ARHGAP6: variants seen among roughly 807,000 people sequenced by gnomAD.
The protein encoded by ARHGAP6 is rho GTPase-activating protein 6.
In ARHGAP6, 16 loss-of-function variants were observed where a neutral mutation model predicts 55.7. The ratio of observed to expected loss-of-function variants is 0.29; its 90% CI spans 0.19 to 0.44. ARHGAP6 has a LOEUF of 0.44. Among genes scored for constraint, ARHGAP6 ranks in the 20% least tolerant of loss-of-function variants. The pLI is 1.00. For synonymous variants in ARHGAP6, 382 were observed against 360.9 expected, an observed-to-expected ratio of 1.06 and a Z score of -0.66; for missense variants, 698 against 808.9, an observed-to-expected ratio of 0.86 and a Z score of 1.66.
At chrX:11,140,647 C>T (rs899467633) in intron 12 of ARHGAP6, among the ~76,000 whole-genome samples, 1 of 109,670 alleles carries the variant, frequency 9.1e-6, no homozygotes, top group Non-Finnish European at 1.9e-5. Flanking sequence ...CACACACTCC[C>T]GCCCCTCCTC....
chrX:11,358,657 T>C (rs2048969188), intron 1 of ARHGAP6, among the ~76,000 whole-genome samples: 1 of 110,307 alleles, frequency 9.1e-6, no homozygotes, highest in Admixed American at 9.7e-5. Flanking sequence ...TTTTTTGTAT[T>C]TTTTAGTAGA....
chrX:11,147,372 T>G (rs927962856), intron 10 of ARHGAP6, among the ~76,000 whole-genome samples: 1 of 112,490 alleles, frequency 8.9e-6, no homozygotes, highest in Non-Finnish European at 1.9e-5. Context: ...CCCACTTAGG[T>G]GATACAATTG....
At chrX:11,277,699 CT>C (rs202164456) in intron 1 of ARHGAP6, among the ~76,000 whole-genome samples, 25 of 99,105 alleles carry the variant, frequency 2.5e-4, no homozygotes, top group East Asian at 6.0e-4. Flanking sequence ...TTCTAGTATT[CT>C]TTTTTTTTTT....
chrX:11,298,839 G>A (rs138249749), intron 1 of ARHGAP6: 3 of 1,210,447 alleles, frequency 2.5e-6, no homozygotes, highest in Non-Finnish European at 3.4e-6. Context: ...CCAGCCACCT[G>A]TGCACCCCAT....
At chrX:11,531,671 A>ACAAATG (rs2051051259) in intron 1 of ARHGAP6, among the ~76,000 whole-genome samples, 1 of 111,294 alleles carries the variant, frequency 9.0e-6, no homozygotes, top group Admixed American at 9.6e-5. Flanking sequence ...TTTGTTTGCA[A>ACAAATG]GTTGTTGCTT....
chrX:11,295,678 G>T (rs1238054677), intron 1 of ARHGAP6, among the ~76,000 whole-genome samples: 1 of 111,433 alleles, frequency 9.0e-6, no homozygotes, highest in Non-Finnish European at 1.9e-5. Context: ...CTGAAATCCT[G>T]CATTGCAGCG....
chrX:11,652,168 A>G (rs866654985), intron 1 of ARHGAP6, among the ~76,000 whole-genome samples: 1 of 112,104 alleles, frequency 8.9e-6, no homozygotes, highest in Admixed American at 9.5e-5. Context: ...TTTTGTTGCA[A>G]TTGGTTTTGT....
chrX:11,270,901 T>C (rs1204429587), intron 1 of ARHGAP6, among the ~76,000 whole-genome samples: 7 of 112,177 alleles, frequency 6.2e-5, no homozygotes, highest in Non-Finnish European at 1.3e-4. Flanking sequence ...CATCTCATTT[T>C]AGGTGCCCAG....
chrX:11,586,354 G>A (rs1396431994), intron 1 of ARHGAP6, among the ~76,000 whole-genome samples: 1 of 111,653 alleles, frequency 9.0e-6, no homozygotes, highest in Non-Finnish European at 1.9e-5. Context: ...TTTGTATATG[G>A]TGATAGGAAG....
intron 1 of ARHGAP6, among the ~76,000 whole-genome samples, chrX:11,574,648 C>T (rs866674842): frequency 3.6e-5 from 4 of 110,641 alleles, no homozygotes; most frequent in Admixed American, 1.9e-4. Flanking sequence ...TGGAAGCATG[C>T]CCTTTGAAAA....
chrX:11,571,709 A>AAATAATAACAATAAT (rs1556087765), intron 1 of ARHGAP6, among the ~76,000 whole-genome samples: 3 of 95,784 alleles, frequency 3.1e-5, no homozygotes, highest in Non-Finnish European at 6.1e-5. Context: ...CTTGTATATT[A>AAATAATAACAATAAT]AATAATAATA....
intron 1 of ARHGAP6, chrX:11,265,896 T>C: frequency 1.0e-6 from 1 of 953,467 alleles, no homozygotes; most frequent in South Asian, 2.2e-5. Context: ...CCTCCGCTAC[T>C]GTGAATCTTG....
At chrX:11,353,611 T>C (rs1490202837) in intron 1 of ARHGAP6, among the ~76,000 whole-genome samples, 1 of 106,860 alleles carries the variant, frequency 9.4e-6, no homozygotes, top group East Asian at 2.9e-4. Context: ...CATGGTAGTA[T>C]GTCAATCTGA....
intron 2 of ARHGAP6, among the ~76,000 whole-genome samples, chrX:11,248,168 G>A (rs2047376900): frequency 9.0e-6 from 1 of 111,547 alleles, no homozygotes; most frequent in Non-Finnish European, 1.9e-5. Flanking sequence ...CAAGAAGCCT[G>A]GGTCCCTGAA....
chrX:11,363,735 A>T (rs147667942), intron 1 of ARHGAP6, among the ~76,000 whole-genome samples: 1 of 112,346 alleles, frequency 8.9e-6, no homozygotes, highest in African/African-American at 3.2e-5. Flanking sequence ...AGACAACCTA[A>T]GTCGAAATTA....
chrX:11,138,041 TA>T lies in ARHGAP6; in HGVS notation c.*821del, dbSNP rs773368453. On this transcript the variant is annotated 3_prime_UTR_variant, in exon 13 of 13. Coordinates refer to ENST00000337414, the MANE Select transcript of ARHGAP6 (RefSeq NM_013427.3). ...AAAAATACATAAAAATTATACATTA[TA>T]AATATATATTATATATGGCCTATAT... 352 of 112,101 alleles carry T rather than the reference TA, an allele frequency of 3.1e-3. 1 individual carries two copies. Among genetic ancestry groups the T allele is most frequent in the African/African-American group, 0.011 (335 of 30,923 alleles). The allele number at this position is 112,101 out of a possible 1,213,427, so 9.2% of individuals were successfully genotyped here. A position where few individuals can be genotyped will look rare whatever the true frequency, so the allele number is the denominator to read the frequency against.
chrX:11,365,983 T>C (rs1300062348), intron 1 of ARHGAP6, among the ~76,000 whole-genome samples: 1 of 112,217 alleles, frequency 8.9e-6, no homozygotes, highest in African/African-American at 3.2e-5. Context: ...ACCTTCTCAC[T>C]GTGTTCTCAC....
intron 2 of ARHGAP6, among the ~76,000 whole-genome samples, chrX:11,228,437 T>C (rs1459804446): frequency 8.9e-6 from 1 of 112,128 alleles, no homozygotes; most frequent in Non-Finnish European, 1.9e-5. Flanking sequence ...TGACATCTAA[T>C]TTACCCTGTT....
chrX:11,607,232 A>G (rs994094036), intron 1 of ARHGAP6, among the ~76,000 whole-genome samples: 3 of 112,039 alleles, frequency 2.7e-5, no homozygotes, highest in Non-Finnish European at 5.6e-5. Flanking sequence ...TCCTGCAGTC[A>G]ATGCTGCCTT....
Sources: allele counts gnomAD v4.1 joint callset (sites outside exome capture counted in the v4.1 genomes callset), GRCh38; gene constraint gnomAD v4.1.1; transcripts MANE v1.5; gene names NCBI Gene and HGNC (gene_info 2026-07-23, HGNC 2026-07-21).